CA5A: variants seen among roughly 807,000 people sequenced by gnomAD.
The protein encoded by CA5A is carbonic anhydrase 5A.
A neutral mutation model predicts 37.1 loss-of-function variants in CA5A; 28 were observed. The ratio of observed to expected loss-of-function variants is 0.75; its 90% CI spans 0.56 to 1.03. The LOEUF (loss-of-function observed/expected upper bound fraction) is 1.03, where lower values mean the gene tolerates loss of function less well. Among genes scored for constraint, CA5A ranks in the 50% least tolerant of loss-of-function variants. The pLI is 0.00. For missense variants in CA5A, 444 were observed against 399.9 expected (o/e 1.11, Z -0.94); for synonymous variants, 171 against 158.4 (o/e 1.08, Z -0.60).
Position 87,901,981 on chromosome 16 carries a change from G to C in CA5A, c.556-7C>G. 3 of 1,613,234 alleles carry C rather than the reference G, an allele frequency of 1.9e-6. No homozygotes were observed. Among genetic ancestry groups the C allele is most frequent in the Non-Finnish European group, 2.5e-6 (3 of 1,179,366 alleles). ...TCTGATGATGGGCCCCGAGCTGCAT[G>C]GCAGACAAAGGAGGGGTTAGCTGCA... is the stretch of plus-strand genomic sequence containing the variant. On this transcript the variant is annotated splice_region_variant and splice_polypyrimidine_tract_variant and intron_variant, in intron 4 of 6. Coordinates refer to ENST00000649794, the MANE Select transcript of CA5A (RefSeq NM_001739.2).
chr16:87,927,303 T>G (rs900826351), intron 1 of CA5A, among the ~76,000 whole-genome samples: 1 of 151,918 alleles, frequency 6.6e-6, no homozygotes, highest in Non-Finnish European at 1.5e-5. Flanking sequence ...GAGGGCGCTG[T>G]GGGGAAGGCA....
In CA5A at chr16:87,926,918, G is replaced by A. The variant is rs866706811; in HGVS notation, c.170C>T (p.Ser57Phe). The A allele has an allele frequency of 6.3e-7, 1 of 1,595,418 alleles. No individual in the cohort carries two copies. Among genetic ancestry groups the A allele is most frequent in the Middle Eastern group, 1.7e-4 (1 of 5,922 alleles). Residue 57 changes from serine (S) to phenylalanine (F), a missense_variant, in exon 2 of 7, where the codon TCC (serine) becomes TTC (phenylalanine). Transcript: ENST00000649794. ...AGACTGCCGGGTGCCCCCTGGCACG[G>A]AGACCGGGACCGTCCAGAGTGGGTG... The part of the protein sequence containing the change: ...TLHPLWTVPV[S>F]VPGGTRQSPI...
chr16:87,910,587 C>CT (rs941728928), intron 2 of CA5A, among the ~76,000 whole-genome samples: 59 of 151,200 alleles, frequency 3.9e-4, no homozygotes, highest in African/African-American at 9.9e-4. Flanking sequence ...AAAGTGACTT[C>CT]TTTTTTTTTA....
intron 1 of CA5A, among the ~76,000 whole-genome samples, chr16:87,932,818 C>G (rs970336742): frequency 7.9e-5 from 12 of 152,204 alleles, no homozygotes; most frequent in Non-Finnish European, 1.6e-4. Flanking sequence ...CAGCAAATCT[C>G]AAATTCCTTC....
At chr16:87,919,725 G>A (rs559591668) in intron 2 of CA5A, among the ~76,000 whole-genome samples, 8 of 152,270 alleles carry the variant, frequency 5.3e-5, no homozygotes, top group East Asian at 3.9e-4. Flanking sequence ...GTCTTAAGAC[G>A]GCTTACTGGA....
At chr16:87,926,098 C>T (rs910056960) in intron 2 of CA5A, among the ~76,000 whole-genome samples, 17 of 152,152 alleles carry the variant, frequency 1.1e-4, no homozygotes, top group African/African-American at 4.1e-4. Flanking sequence ...TGGCAGACAC[C>T]TGTAATCCCA....
At chr16:87,921,833 ACAGGTTGT>A (rs1445096831) in intron 2 of CA5A, among the ~76,000 whole-genome samples, 1 of 151,954 alleles carries the variant, frequency 6.6e-6, no homozygotes, top group African/African-American at 2.4e-5. Context: ...TAGAGGAAGC[ACAGGTTGT>A]GTTCCTTTGT....
intron 2 of CA5A, among the ~76,000 whole-genome samples, chr16:87,917,651 A>G (rs2056167894): frequency 7.3e-6 from 1 of 136,198 alleles, no homozygotes; most frequent in Non-Finnish European, 1.5e-5. Flanking sequence ...ACACATGAAC[A>G]CACGTGCACA....
At chr16:87,910,639 G>A (rs188159544) in intron 2 of CA5A, among the ~76,000 whole-genome samples, 1 of 152,094 alleles carries the variant, frequency 6.6e-6, no homozygotes, top group African/African-American at 2.4e-5. Context: ...GCGCGGTGGG[G>A]TGCTCTCGGC....
chr16:87,889,434 T>C (rs1440419706), intron 6 of CA5A, among the ~76,000 whole-genome samples: 1 of 152,188 alleles, frequency 6.6e-6, no homozygotes, highest in African/African-American at 2.4e-5. Flanking sequence ...ATAATGTAAA[T>C]GCTAAAGTAA....
intron 2 of CA5A, among the ~76,000 whole-genome samples, chr16:87,926,120 T>G (rs1036755232): frequency 6.6e-6 from 1 of 152,148 alleles, no homozygotes; most frequent in South Asian, 2.1e-4. Context: ...TTACTCAGGC[T>G]GAGGCAGGAG....
rs547170753 is a variant in CA5A, at chr16:87,902,346, C to T, written c.555+79G>A. The stretch of plus-strand genomic sequence containing the variant: ...TCCAGCCTGTGTGACACAGCGAGTC[C>T]TGTCTCAAAAAAAAAAAAGCAATCC... On this transcript the variant is annotated intron_variant, in intron 4 of 6. Coordinates refer to ENST00000649794, the MANE Select transcript of CA5A (RefSeq NM_001739.2). The T allele has an allele frequency of 7.3e-6, 6 of 822,246 alleles. No individual in the cohort carries two copies. In the African/African-American group the frequency reaches 1.1e-4, roughly 15 times the overall value. 50.9% of individuals were successfully genotyped at this position (822,246 alleles called of 1,614,324 possible).
chr16:87,909,731 T>G (rs1232956835), intron 2 of CA5A, among the ~76,000 whole-genome samples: 1 of 152,204 alleles, frequency 6.6e-6, no homozygotes, highest in African/African-American at 2.4e-5. Flanking sequence ...CTGCAAATTT[T>G]AAATCCCACT....
rs545123220 is a variant in CA5A at position 87,902,237 on chromosome 16, C to T, written c.555+188G>A. ...GGTGTGGTGGCACACTCCTATAGTC[C>T]CAGCTACTGGGGAGGCTGAGGCAGG... On this transcript the variant is annotated intron_variant, in intron 4 of 6. Coordinates refer to ENST00000649794, the MANE Select transcript of CA5A (RefSeq NM_001739.2). 3.3e-5 allele frequency among the ~76,000 whole-genome samples: 5 copies of T among 152,014 alleles called. No homozygotes were observed. In the South Asian group the frequency reaches 1.0e-3, roughly 32 times the overall value.
At chr16:87,923,879 CACAAATATTA>C in intron 2 of CA5A, 1 of 984,726 alleles carries the variant, frequency 1.0e-6, no homozygotes, top group Non-Finnish European at 1.2e-6. Context: ...AATACATTCA[CACAAATATTA>C]ACCCAAACAA....
At chr16:87,900,579 T>C (rs975258674) in intron 5 of CA5A, among the ~76,000 whole-genome samples, 1 of 152,246 alleles carries the variant, frequency 6.6e-6, no homozygotes, top group African/African-American at 2.4e-5. Context: ...ATAAATAAAC[T>C]ACATTTCTTT....
chr16:87,923,380 G>T (rs1443064529), intron 2 of CA5A: 1 of 188,968 alleles, frequency 5.3e-6, no homozygotes, highest in Admixed American at 6.5e-5. Flanking sequence ...TACAGATGGG[G>T]TTTCACCATG....
At chr16:87,896,436 C>A (rs993943586) in intron 5 of CA5A, among the ~76,000 whole-genome samples, 32 of 152,210 alleles carry the variant, frequency 2.1e-4, no homozygotes, top group Admixed American at 1.3e-3. Flanking sequence ...ACTGCTCCCC[C>A]TCAGGGCCCC....
intron 5 of CA5A, among the ~76,000 whole-genome samples, chr16:87,899,720 C>G (rs12922247): frequency 0.57 from 85,142 of 148,634 alleles, 24,750 homozygotes; most frequent in Middle Eastern, 0.64. Context: ...AGGAGTTTGA[C>G]ACCAGCCTGG....
Sources: allele counts gnomAD v4.1 joint callset (sites outside exome capture counted in the v4.1 genomes callset), GRCh38; gene constraint gnomAD v4.1.1; transcripts MANE v1.5; gene names NCBI Gene and HGNC (gene_info 2026-07-23, HGNC 2026-07-21).